Variants in STAT5B observed in about 807,000 individuals in gnomAD.
STAT5B encodes the protein signal transducer and activator of transcription 5B, also known as transcription factor STAT5B.
Under a neutral mutation model 107.8 loss-of-function variants are expected in STAT5B, and 21 were observed. The ratio of observed to expected loss-of-function variants is 0.19; its 90% CI spans 0.14 to 0.28. The LOEUF is 0.28. Among genes scored for constraint, STAT5B ranks in the 10% least tolerant of loss-of-function variants. The pLI is 1.00. For synonymous variants in STAT5B, 325 were observed against 401.7 expected, an observed-to-expected ratio of 0.81 and a Z score of 2.28; for missense variants, 565 against 1,008.2, an observed-to-expected ratio of 0.56 and a Z score of 5.95.
intron 8 of STAT5B, 150 bp from the exon 9 acceptor site, chr17:42,218,480 G>A (rs1251994563): frequency 2.1e-6 from 3 of 1,406,400 alleles, no homozygotes; most frequent in Admixed American, 4.6e-5. Context: ...GAAGCCGTGA[G>A]AGTCCAGGGA....
chr17:42,201,592 C>A lies in STAT5B; in HGVS notation c.*146G>T. On this transcript the variant is annotated 3_prime_UTR_variant, in exon 19 of 19. Coordinates refer to ENST00000293328, the MANE Select transcript of STAT5B (RefSeq NM_012448.4). ...CACTCCCTTCGCTGGTGCCACCATG[C>A]ACAGAAACACTAAGGTCACAACTAG... 1 of 727,750 alleles carries A rather than the reference C, an allele frequency of 1.4e-6. No homozygotes were observed. Among genetic ancestry groups the A allele is most frequent in the East Asian group, 2.7e-5 (1 of 37,564 alleles). The allele number at this position is 727,750 out of a possible 1,614,324, so 45.1% of individuals were successfully genotyped here. A position where few individuals can be genotyped will look rare whatever the true frequency, so the allele number is the denominator to read the frequency against.
intron 9 of STAT5B, 125 bp from the exon 10 acceptor site, chr17:42,217,589 A>T: frequency 2.1e-6 from 2 of 967,822 alleles, no homozygotes; most frequent in Non-Finnish European, 3.2e-6. Flanking sequence ...ATTTAGAGGA[A>T]ATGTTAGCTA....
chr17:42,252,313 A>C (rs1174032715), intron 1 of STAT5B, among the ~76,000 whole-genome samples: 15 of 152,152 alleles, frequency 9.9e-5, no homozygotes, highest in Non-Finnish European at 4.4e-5. Context: ...TCATTTTGAT[A>C]ATCTTATTTT....
At chr17:42,273,022 C>T (rs2080733477) in intron 1 of STAT5B, among the ~76,000 whole-genome samples, 1 of 152,148 alleles carries the variant, frequency 6.6e-6, no homozygotes, top group Non-Finnish European at 1.5e-5. Context: ...ATAAAACACC[C>T]AATGTCAAGA....
chr17:42,267,882 C>T (rs939992403), intron 1 of STAT5B, among the ~76,000 whole-genome samples: 3 of 149,750 alleles, frequency 2.0e-5, no homozygotes, highest in Admixed American at 6.7e-5. Context: ...TTGCTTGAAC[C>T]GGGAGGTAGA....
At chr17:42,254,143 A>G (rs970713461) in intron 1 of STAT5B, among the ~76,000 whole-genome samples, 1 of 152,130 alleles carries the variant, frequency 6.6e-6, no homozygotes, top group African/African-American at 2.4e-5. Context: ...TGGGATGCTG[A>G]GGCAGGAGGA....
chr17:42,210,061 C>G, intron 15 of STAT5B, 110 bp downstream of exon 15: 2 of 1,509,098 alleles, frequency 1.3e-6, no homozygotes, highest in Admixed American at 3.7e-5. Context: ...TTATGTTTCC[C>G]ATAATTAGTA....
At chr17:42,253,120 C>CTTTA (rs1294492635) in intron 1 of STAT5B, among the ~76,000 whole-genome samples, 1 of 152,090 alleles carries the variant, frequency 6.6e-6, no homozygotes, top group Non-Finnish European at 1.5e-5. Context: ...TTCTTTCTTT[C>CTTTA]TTTCTTTCTT....
At chr17:42,216,159 TTCTC>T (rs111976006) in intron 11 of STAT5B, 53 bp from the exon 12 acceptor site, 15 of 1,466,222 alleles carry the variant, frequency 1.0e-5, no homozygotes, top group Admixed American at 4.4e-5. Context: ...GTTCTTCTCC[TTCTC>T]TCTTTTTTTT....
chr17:42,230,817 C>T (rs1269663194), intron 2 of STAT5B, among the ~76,000 whole-genome samples: 2 of 151,980 alleles, frequency 1.3e-5, no homozygotes, highest in Non-Finnish European at 2.9e-5. Flanking sequence ...CCCGTCACCA[C>T]GCCCAACTAA....
intron 1 of STAT5B, among the ~76,000 whole-genome samples, chr17:42,245,757 C>T (rs1393464359): frequency 2.6e-5 from 4 of 151,910 alleles, no homozygotes; most frequent in Non-Finnish European, 5.9e-5. Context: ...CTCCTGACCT[C>T]GGGTGATCTG....
At position 42,247,428 on chromosome 17, in the gene STAT5B, T is replaced by G. The variant is rs182009200; in HGVS notation, c.-10-15291A>C. On this transcript the variant is annotated intron_variant, in intron 1 of 18. Coordinates refer to ENST00000293328, the MANE Select transcript of STAT5B (RefSeq NM_012448.4). The stretch of plus-strand genomic sequence containing the variant: ...TCATTTCAAATAACAAAATAAAAAC[T>G]GAACTGAATATGTTTTAGTTAAAAC... Among the ~76,000 whole-genome samples the G allele has an allele frequency of 4.1e-3, 619 of 152,364 alleles. 8 individuals are homozygous for G. Among genetic ancestry groups the G allele is most frequent in the South Asian group, 0.029 (141 of 4,828 alleles).
rs1262160083 is a variant in STAT5B at position 42,200,627 on chromosome 17, G to C, written c.*1111C>G. 6.5e-6 allele frequency: 1 copy of C among 153,888 alleles called. No homozygotes were observed. Among genetic ancestry groups the C allele is most frequent in the Non-Finnish European group, 1.5e-5 (1 of 68,864 alleles). The allele number at this position is 153,888 out of a possible 1,614,324, so 9.5% of individuals were successfully genotyped here. On this transcript the variant is annotated 3_prime_UTR_variant, in exon 19 of 19. Coordinates refer to ENST00000293328, the MANE Select transcript of STAT5B (RefSeq NM_012448.4). ...ACCTACTCTTCAAGACATTAGGTGT[G>C]AACAGAGAAGGGGAATGAGGTGACC... is the stretch of plus-strand genomic sequence containing the variant.
At chr17:42,212,606 C>G (rs935569574) in intron 12 of STAT5B, among the ~76,000 whole-genome samples, 1 of 152,170 alleles carries the variant, frequency 6.6e-6, no homozygotes, top group African/African-American at 2.4e-5. Flanking sequence ...TGTGTACACA[C>G]GTGGAATCAT....
intron 12 of STAT5B, chr17:42,214,151 TA>T (rs943535715): frequency 0.11 from 65,790 of 606,944 alleles, 21 homozygotes; most frequent in Middle Eastern, 0.13. Context: ...TCAAAAAAAT[TA>T]AAAAAAAAAA....
At chr17:42,249,497 T>C (rs150471741) in intron 1 of STAT5B, among the ~76,000 whole-genome samples, 2 of 152,290 alleles carry the variant, frequency 1.3e-5, no homozygotes, top group Admixed American at 6.5e-5. Context: ...TTTGAACTTA[T>C]TCTCAAAATA....
chr17:42,266,389 TAATA>T (rs906941066), intron 1 of STAT5B, among the ~76,000 whole-genome samples: 5 of 151,570 alleles, frequency 3.3e-5, no homozygotes, highest in South Asian at 2.1e-4. Flanking sequence ...TAAATTAAAA[TAATA>T]AATAAAATTC....
At chr17:42,273,234 C>G (rs999401447) in intron 1 of STAT5B, among the ~76,000 whole-genome samples, 1 of 151,930 alleles carries the variant, frequency 6.6e-6, no homozygotes, top group Non-Finnish European at 1.5e-5. Context: ...AAAAAAACTT[C>G]TGATTTTAGA....
intron 5 of STAT5B, among the ~76,000 whole-genome samples, chr17:42,220,044 C>T (rs1460261107): frequency 6.6e-6 from 1 of 152,208 alleles, no homozygotes; most frequent in Non-Finnish European, 1.5e-5. Context: ...CGCCAGCCTC[C>T]TGACTCTGAG....
Sources: gnomAD v4.1 joint callset for allele counts (sites outside exome capture counted in the v4.1 genomes callset) on GRCh38, gnomAD v4.1.1 for gene constraint, MANE v1.5 for transcripts, NCBI Gene and HGNC (gene_info 2026-07-23, HGNC 2026-07-21) for gene names.